Variants in PTPRK observed in about 807,000 individuals in gnomAD.
PTPRK encodes the protein protein tyrosine phosphatase receptor type K, also known as receptor-type tyrosine-protein phosphatase kappa.
Under a neutral mutation model 178.0 loss-of-function variants are expected in PTPRK, and 75 were observed. That is an observed-to-expected ratio of 0.42 (90% confidence interval 0.35 to 0.51). The LOEUF (loss-of-function observed/expected upper bound fraction) is 0.51, where lower values mean the gene tolerates loss of function less well. Ranked by LOEUF, PTPRK falls within the 20% of genes least tolerant of loss-of-function variation. The probability of loss-of-function intolerance (pLI) is 0.02; values close to 1 mark genes in which losing one functional copy is unlikely to be tolerated. For synonymous variants in PTPRK, 637 were observed against 620.6 expected, an observed-to-expected ratio of 1.03 and a Z score of -0.39; for missense variants, 1,441 against 1,797.8, an observed-to-expected ratio of 0.80 and a Z score of 3.59.
intron 1 of PTPRK, among the ~76,000 whole-genome samples, chr6:128,493,074 G>A (rs1396763282): frequency 1.3e-5 from 2 of 152,146 alleles, no homozygotes; most frequent in African/African-American, 4.8e-5. Flanking sequence ...TCTGGCACAT[G>A]GTAGGCACTC....
chr6:128,121,561 A>G (rs920789411), intron 7 of PTPRK, among the ~76,000 whole-genome samples: 4 of 152,176 alleles, frequency 2.6e-5, no homozygotes, highest in African/African-American at 9.6e-5. Flanking sequence ...ATAAAGAAAC[A>G]TAAGTACAAA....
intron 13 of PTPRK, among the ~76,000 whole-genome samples, chr6:128,053,743 TCTGTGAGACTGCCTCCTCCATCCGACTC>T (rs1341533310): frequency 6.6e-6 from 1 of 152,172 alleles, no homozygotes; most frequent in Non-Finnish European, 1.5e-5. Flanking sequence ...AGGCTGATAC[TCTGTGAGACTGCCTCCTCCATCCGACTC>T]AGGCTCTGAC....
intron 7 of PTPRK, among the ~76,000 whole-genome samples, chr6:128,124,790 C>T (rs772600221): frequency 7.2e-5 from 11 of 152,226 alleles, no homozygotes; most frequent in African/African-American, 1.7e-4. Context: ...GACCAGCCTC[C>T]GGGAGGAAAA....
In PTPRK at chr6:127,969,820, C is replaced by A. The variant is rs41285278; in HGVS notation, c.*407G>T. ...TATGAATTTGCACAGCTTTTCTTTTCTTCTTCCTTTTAAGATTCATCAGCT... is the reference window on the plus strand; with the variant it reads ...TATGAATTTGCACAGCTTTTCTTTTATTCTTCCTTTTAAGATTCATCAGCT... On this transcript the variant is annotated 3_prime_UTR_variant, in exon 30 of 30. Transcript: ENST00000368226. 1 of 153,320 alleles carries A rather than the reference C, an allele frequency of 6.5e-6. No homozygotes were observed. The highest frequency in any genetic ancestry group is 2.4e-5 in the African/African-American group (1 of 41,474). 9.5% of individuals were successfully genotyped at this position (153,320 alleles called of 1,614,324 possible).
chr6:128,503,074 A>C (rs1258056401), intron 1 of PTPRK, among the ~76,000 whole-genome samples: 1 of 152,182 alleles, frequency 6.6e-6, no homozygotes, highest in African/African-American at 2.4e-5. Context: ...TAAAAATACA[A>C]AAATTAGCCG....
intron 13 of PTPRK, among the ~76,000 whole-genome samples, chr6:128,024,609 G>GACC (rs1288331653): frequency 2.0e-5 from 3 of 152,106 alleles, no homozygotes; most frequent in Non-Finnish European, 4.4e-5. Context: ...AGGAGTTCAA[G>GACC]ACCAGCCTGG....
chr6:128,237,548 T>C (rs1267932161), intron 5 of PTPRK, among the ~76,000 whole-genome samples: 1 of 152,192 alleles, frequency 6.6e-6, no homozygotes, highest in Non-Finnish European at 1.5e-5. Context: ...CGTAAAGACC[T>C]AGTTTAGCAT....
intron 1 of PTPRK, among the ~76,000 whole-genome samples, chr6:128,497,260 A>G (rs1037555303): frequency 6.6e-6 from 1 of 152,152 alleles, no homozygotes; most frequent in Admixed American, 6.5e-5. Flanking sequence ...AATAACATTA[A>G]ACTCACTTTT....
chr6:128,226,761 CATATATATATATATATATATATATAT>C (rs71028117), intron 5 of PTPRK, among the ~76,000 whole-genome samples: 37 of 109,546 alleles, frequency 3.4e-4, no homozygotes, highest in East Asian at 1.5e-3. Context: ...ATTATATAGA[CATATATATATATATATATATATATAT>C]ATATATATAT....
intron 3 of PTPRK, among the ~76,000 whole-genome samples, chr6:128,309,324 G>A (rs1023189962): frequency 6.6e-6 from 1 of 152,086 alleles, no homozygotes; most frequent in Non-Finnish European, 1.5e-5. Context: ...AAGAGGAGTG[G>A]GAAGTGAAAG....
chr6:128,244,489 T>C (rs1815098931), intron 3 of PTPRK, among the ~76,000 whole-genome samples: 1 of 152,154 alleles, frequency 6.6e-6, no homozygotes, highest in Non-Finnish European at 1.5e-5. Flanking sequence ...AGGGTGGTGG[T>C]ACCAGGAGGT....
intron 2 of PTPRK, among the ~76,000 whole-genome samples, chr6:128,346,848 G>A (rs902985585): frequency 6.6e-6 from 1 of 152,036 alleles, no homozygotes; most frequent in Admixed American, 6.6e-5. Flanking sequence ...TTGACACATA[G>A]GAAGTCTACA....
At chr6:128,014,268 T>C (rs1030489128) in intron 13 of PTPRK, among the ~76,000 whole-genome samples, 6 of 151,612 alleles carry the variant, frequency 4.0e-5, no homozygotes, top group African/African-American at 1.2e-4. Context: ...CATTCCTTTA[T>C]AGAGCTAACC....
intron 2 of PTPRK, among the ~76,000 whole-genome samples, chr6:128,350,019 T>C (rs369149456): frequency 1.3e-5 from 2 of 152,088 alleles, no homozygotes; most frequent in South Asian, 2.1e-4. Flanking sequence ...CCACTAGTTT[T>C]AGAATGTGGA....
intron 3 of PTPRK, among the ~76,000 whole-genome samples, chr6:128,266,776 G>T (rs576697333): frequency 1.3e-5 from 2 of 152,048 alleles, no homozygotes; most frequent in Non-Finnish European, 1.5e-5. Context: ...CTTTCAACTC[G>T]GAAGTTTTTG....
At chr6:128,289,651 T>G (rs150765949) in intron 3 of PTPRK, among the ~76,000 whole-genome samples, 2,458 of 152,232 alleles carry the variant, frequency 0.016, 34 homozygotes, top group Middle Eastern at 0.034. Flanking sequence ...TTTCCTCCTT[T>G]TAAAGTCTTA....
intron 8 of PTPRK, 95 bp from the exon 9 acceptor site, chr6:128,083,919 T>C (rs1305934962): frequency 5.6e-6 from 3 of 533,510 alleles, no homozygotes; most frequent in Admixed American, 8.2e-5. Context: ...TAAAAATAAA[T>C]ATAAAGAAAA....
intron 2 of PTPRK, among the ~76,000 whole-genome samples, chr6:128,339,776 G>A (rs1202943239): frequency 6.6e-6 from 1 of 152,100 alleles, no homozygotes; most frequent in African/African-American, 2.4e-5. Context: ...CTTTCTGCCA[G>A]GCTTCCAGAA....
intron 6 of PTPRK, among the ~76,000 whole-genome samples, chr6:128,217,714 C>T (rs972960012): frequency 3.9e-5 from 6 of 152,074 alleles, no homozygotes; most frequent in Admixed American, 2.6e-4. Context: ...GTGTTCTCTG[C>T]TTGCTGGTGT....
Sources: allele counts gnomAD v4.1 joint callset (sites outside exome capture counted in the v4.1 genomes callset), GRCh38; gene constraint gnomAD v4.1.1; transcripts MANE v1.5; gene names NCBI Gene and HGNC (gene_info 2026-07-23, HGNC 2026-07-21).